SYMPK: variants seen among roughly 807,000 people sequenced by gnomAD.
SYMPK encodes symplekin.
Under a neutral mutation model 136.4 loss-of-function variants are expected in SYMPK, and 49 were observed. The observed-to-expected ratio is 0.36, with a 90% CI of 0.29 to 0.46. The LOEUF (loss-of-function observed/expected upper bound fraction) is 0.46, where lower values mean the gene tolerates loss of function less well. SYMPK is among the 20% of genes least tolerant of loss of function. The pLI is 1.00. For synonymous variants in SYMPK, 766 were observed against 713.0 expected (o/e 1.07, Z -1.19); for missense variants, 1,365 against 1,690.0 (o/e 0.81, Z 3.37).
chr19:45,838,115 T>A (rs918488), intron 10 of SYMPK, among the ~76,000 whole-genome samples: 19,121 of 151,910 alleles, frequency 0.13, 1,422 homozygotes, highest in South Asian at 0.18. Flanking sequence ...GGTGCTGTCT[T>A]CAGGATAGCG....
Position 45,816,516 on chromosome 19 carries a change from T to C in SYMPK, c.3320A>G (p.Glu1107Gly). Reference protein sequence around the residue: ...ILEASGKQEPEAKEAPAGPLE... With the variant: ...ILEASGKQEPGAKEAPAGPLE... The stretch of plus-strand genomic sequence containing the variant: ...GGGCCCCGCAGGCGCCTCCTTGGCC[T>C]CTGGCTCCTGCTTGCCGCTGGCCTC... The change falls in exon 25 of 27, where the codon GAG (glutamate) becomes GGG (glycine). Residue 1107 changes from glutamate to glycine, a missense_variant. Transcript: ENST00000245934. 3.7e-6 allele frequency: 6 copies of C among 1,613,530 alleles called. No homozygotes were observed. The highest frequency in any genetic ancestry group is 4.2e-6 in the Non-Finnish European group (5 of 1,179,936).
chr19:45,829,910 G>T, intron 13 of SYMPK, 144 bp downstream of exon 13: 2 of 920,314 alleles, frequency 2.2e-6, no homozygotes, highest in Non-Finnish European at 3.2e-6. Context: ...GGATGGGAGT[G>T]ATCTGGAGAA....
chr19:45,834,320 G>A (rs1042317037), intron 11 of SYMPK, among the ~76,000 whole-genome samples: 3 of 151,976 alleles, frequency 2.0e-5, no homozygotes, highest in Non-Finnish European at 2.9e-5. Flanking sequence ...CTAGCCAGGC[G>A]TGGTGGCATG....
chr19:45,834,256 C>T (rs1057188188), intron 11 of SYMPK, among the ~76,000 whole-genome samples: 19 of 151,588 alleles, frequency 1.3e-4, no homozygotes, highest in African/African-American at 4.6e-4. Flanking sequence ...CTATTGCACT[C>T]CAACCTGGGT....
chr19:45,842,783 G>T, intron 8 of SYMPK: 1 of 381,746 alleles, frequency 2.6e-6, no homozygotes, highest in Admixed American at 4.4e-5. Context: ...GCTTCGCTTG[G>T]GGAGGGTTAT....
At chr19:45,860,885 G>C (rs1313364555) in intron 1 of SYMPK, among the ~76,000 whole-genome samples, 1 of 152,204 alleles carries the variant, frequency 6.6e-6, no homozygotes. Flanking sequence ...TTACAGATGA[G>C]GAAACTGAAG....
intron 18 of SYMPK, among the ~76,000 whole-genome samples, chr19:45,824,911 G>C (rs565817719): frequency 6.6e-6 from 1 of 152,288 alleles, no homozygotes; most frequent in South Asian, 2.1e-4. Flanking sequence ...TTTACTGACG[G>C]GCCCAAGGTC....
intron 23 of SYMPK, 42 bp from the exon 24 acceptor site, chr19:45,817,016 G>C: frequency 6.5e-7 from 1 of 1,538,052 alleles, no homozygotes; most frequent in Non-Finnish European, 8.8e-7. Context: ...AGGCACACAG[G>C]CATCCCCCCG....
rs566400286 is a variant in SYMPK, at chr19:45,848,152, C to G, written c.427-151G>C. 335 of 1,052,812 alleles carry G rather than the reference C, an allele frequency of 3.2e-4. No individual in the cohort carries two copies. In the African/African-American group the frequency reaches 5.1e-3, roughly 16 times the overall value. The allele number at this position is 1,052,812 out of a possible 1,614,324, so 65.2% of individuals were successfully genotyped here. A position where few individuals can be genotyped will look rare whatever the true frequency, so the allele number is the denominator to read the frequency against. On this transcript the variant is annotated intron_variant, in intron 6 of 26. Coordinates refer to ENST00000245934, the MANE Select transcript of SYMPK (RefSeq NM_004819.3). ...TTACTGAGTTCCAACTCTGCCCCAG[C>G]CCAGTGCTCGGTGATGCTGGAGACA...
intron 22 of SYMPK, chr19:45,818,989 G>C (rs183918548): frequency 3.3e-4 from 34 of 103,594 alleles, no homozygotes; most frequent in African/African-American, 8.9e-4. Context: ...GGAGAACAGG[G>C]GTGGGGTCTC....
At chr19:45,842,227 C>T in intron 9 of SYMPK, 23 bp downstream of exon 9, 2 of 1,613,282 alleles carry the variant, frequency 1.2e-6, no homozygotes, top group Non-Finnish European at 1.7e-6. Flanking sequence ...GTCTGCCTGC[C>T]CCACCCCACC....
chr19:45,842,615 C>G (rs1260063181), intron 8 of SYMPK, 126 bp from the exon 9 acceptor site: 1 of 1,378,802 alleles, frequency 7.3e-7, no homozygotes, highest in Non-Finnish European at 9.8e-7. Context: ...CCTTCACCCT[C>G]AGATCTAACG....
At position 45,826,576 on chromosome 19, in the gene SYMPK, C is replaced by T. The variant is rs1361271447; in HGVS notation, c.2182-203G>A. On this transcript the variant is annotated intron_variant, in intron 16 of 26. Transcript: ENST00000245934. ...CCGGACCCGCAGCACCACCTCACTG[C>T]CTGCCTCTCCAGCCCATCTGCCCAT... Among the ~76,000 whole-genome samples the T allele has an allele frequency of 2.6e-5, 4 of 152,220 alleles. No individual in the cohort carries two copies. In the South Asian group the frequency reaches 6.2e-4, roughly 24 times the overall value.
In SYMPK at chr19:45,815,522, C is replaced by G; in HGVS notation, c.*38G>C. ...CAAGCCCCGCCCCGTCCCCCAGCCC[C>G]GAGTCCCTGTCCCACCCCCTTTCCC... On this transcript the variant is annotated 3_prime_UTR_variant, in exon 27 of 27. Transcript: ENST00000245934. 2.8e-6 allele frequency: 4 copies of G among 1,408,472 alleles called. No homozygotes were observed. The highest frequency in any genetic ancestry group is 3.8e-6 in the Non-Finnish European group (4 of 1,054,538). 87.2% of individuals were successfully genotyped at this position (1,408,472 alleles called of 1,614,324 possible).
chr19:45,858,806 C>T lies in SYMPK; in HGVS notation c.-13+4252G>A, dbSNP rs565922642. On this transcript the variant is annotated intron_variant, in intron 1 of 26. Coordinates refer to ENST00000245934, the MANE Select transcript of SYMPK (RefSeq NM_004819.3). ...CTGGGATTACAGGCATGAGCCACCG[C>T]GCCCGGCCGACGACCATATTTCAAA... 2.2e-4 allele frequency among the ~76,000 whole-genome samples: 34 copies of T among 152,284 alleles called. No individual in the cohort carries two copies. The East Asian group carries it at 3.1e-3, about 14-fold the overall frequency.
chr19:45,844,897 A>T (rs1971524958), intron 7 of SYMPK, among the ~76,000 whole-genome samples: 1 of 152,184 alleles, frequency 6.6e-6, no homozygotes, highest in Non-Finnish European at 1.5e-5. Context: ...AACTTAAAAA[A>T]TTTTAATGGG....
chr19:45,833,471 G>A (rs570588065), intron 11 of SYMPK, among the ~76,000 whole-genome samples: 72 of 152,078 alleles, frequency 4.7e-4, no homozygotes, highest in Non-Finnish European at 8.1e-4. Context: ...GCATGGTGCC[G>A]GGCACCTGTA....
At chr19:45,854,264 G>C in intron 2 of SYMPK, 24 bp from the exon 3 acceptor site, 1 of 1,612,586 alleles carries the variant, frequency 6.2e-7, no homozygotes, top group Non-Finnish European at 8.5e-7. Context: ...GAGTGGCAGG[G>C]GATAGTGCCA....
rs748988158 is a variant in SYMPK, at chr19:45,821,348, G to C, written c.2893+36C>G. 1.4e-4 allele frequency: 209 copies of C among 1,520,206 alleles called. No individual in the cohort carries two copies. The highest frequency in any genetic ancestry group is 2.8e-4 in the South Asian group (25 of 89,140). 94.2% of individuals were successfully genotyped at this position (1,520,206 alleles called of 1,614,324 possible). A position where few individuals can be genotyped will look rare whatever the true frequency, so the allele number is the denominator to read the frequency against. On this transcript the variant is annotated intron_variant, in intron 22 of 26. Transcript: ENST00000245934. This position sits in a 1 kb window ranked among gnomAD's most constrained non-coding sequence, Gnocchi z 4.4. ...CTGAGGTCCTGCCCTGGCGTCGCAG[G>C]GGCCAGGCCACTGGAGTGGGGGGGA...
Sources: gnomAD v4.1 joint callset for allele counts (sites outside exome capture counted in the v4.1 genomes callset) on GRCh38, gnomAD v4.1.1 for gene constraint, Gnocchi (gnomAD v3.1) non-coding constraint, MANE v1.5 for transcripts, NCBI Gene and HGNC (gene_info 2026-07-23, HGNC 2026-07-21) for gene names.